The following STAC variants were observed in gnomAD, a reference collection of about 807,000 sequenced individuals.
The protein encoded by STAC is SH3 and cysteine-rich domain-containing protein.
STAC carries 43 observed loss-of-function variants against 48.8 expected under a neutral mutation model. The ratio of observed to expected loss-of-function variants is 0.88; its 90% CI spans 0.69 to 1.14. The LOEUF is 1.14. Ranked by LOEUF, STAC falls within the 50% of genes most tolerant of loss-of-function variation. STAC has a pLI of 0.00. For missense variants in STAC, 497 were observed against 504.0 expected, an observed-to-expected ratio of 0.99 and a Z score of 0.13; for synonymous variants, 193 against 179.5, an observed-to-expected ratio of 1.07 and a Z score of -0.60.
chr3:36,545,561 C>G (rs1699425796), intron 10 of STAC, among the ~76,000 whole-genome samples: 1 of 152,256 alleles, frequency 6.6e-6, no homozygotes, highest in Non-Finnish European at 1.5e-5. Flanking sequence ...TAATTTTCAT[C>G]TGCCCACATC....
rs571610568 is a variant in STAC at position 36,470,484 on chromosome 3, G to A, written c.389-12508G>A. 1.8e-4 allele frequency among the ~76,000 whole-genome samples: 28 copies of A among 152,336 alleles called. No individual in the cohort carries two copies. The South Asian group carries it at 2.1e-3, about 11-fold the overall frequency. On this transcript the variant is annotated intron_variant, in intron 2 of 10. Coordinates refer to ENST00000273183, the MANE Select transcript of STAC (RefSeq NM_003149.3). The stretch of plus-strand genomic sequence containing the variant: ...AGTGGAGGTAGCTGGGGAGTGAAGC[G>A]GACTCTGAGTCCTTGGTTATGTTTC...
chr3:36,430,995 A>C (rs543310391), intron 1 of STAC, among the ~76,000 whole-genome samples: 1 of 152,326 alleles, frequency 6.6e-6, no homozygotes, highest in African/African-American at 2.4e-5. Flanking sequence ...GGAGGGATAC[A>C]ATTCACCCGG....
chr3:36,393,813 T>A (rs892116039), intron 1 of STAC, among the ~76,000 whole-genome samples: 1 of 151,638 alleles, frequency 6.6e-6, no homozygotes, highest in South Asian at 2.1e-4. Flanking sequence ...AAATAAATGT[T>A]GATTGCTTAA....
chr3:36,419,047 CAAA>C (rs1193056059), intron 1 of STAC, among the ~76,000 whole-genome samples: 10 of 90,494 alleles, frequency 1.1e-4, no homozygotes, highest in African/African-American at 1.8e-4. Context: ...AACTCCGACT[CAAA>C]AAAAAAAAAA....
Position 36,411,392 on chromosome 3 carries a change from A to G in STAC, c.111+30638A>G, listed in dbSNP as rs190836507. ...AATCTGCATATGTAACTTTATCTGT[A>G]TCTTCTGCCTCCTCCTCTCCCTCTC... On this transcript the variant is annotated intron_variant, in intron 1 of 10. Transcript: ENST00000273183. Among the ~76,000 whole-genome samples the G allele has an allele frequency of 5.3e-5, 8 of 152,310 alleles. No individual in the cohort carries two copies. In the East Asian group the frequency reaches 1.3e-3, roughly 26 times the overall value.
intron 2 of STAC, among the ~76,000 whole-genome samples, chr3:36,464,410 T>C (rs1215974649): frequency 1.3e-5 from 2 of 150,396 alleles, no homozygotes; most frequent in African/African-American, 2.5e-5. Context: ...TTGTAGATTC[T>C]GGACATTAGC....
intron 5 of STAC, among the ~76,000 whole-genome samples, chr3:36,490,306 C>A (rs1333407682): frequency 6.6e-6 from 1 of 152,142 alleles, no homozygotes; most frequent in East Asian, 1.9e-4. Flanking sequence ...CAATGAGTTG[C>A]TTCCCCAAAG....
intron 2 of STAC, among the ~76,000 whole-genome samples, chr3:36,456,067 G>GCGCACA (rs1553636434): frequency 6.7e-6 from 1 of 150,168 alleles, no homozygotes; most frequent in African/African-American, 2.4e-5. Context: ...ACACACGTGC[G>GCGCACA]CACACACACA....
At chr3:36,391,383 A>G (rs566608266) in intron 1 of STAC, among the ~76,000 whole-genome samples, 3 of 152,110 alleles carry the variant, frequency 2.0e-5, no homozygotes, top group Non-Finnish European at 4.4e-5. Flanking sequence ...CTTACTTCTT[A>G]TCATTTCATC....
At chr3:36,530,580 C>CTTTTTTTTTTTTTTTTTTTTTTTTT (rs775751742) in intron 10 of STAC, among the ~76,000 whole-genome samples, 3 of 102,704 alleles carry the variant, frequency 2.9e-5, no homozygotes, top group Non-Finnish European at 3.7e-5. Context: ...TTCACCTTTT[C>CTTTTTTTTTTTTTTTTTTTTTTTTT]TTTTTTTTTT....
intron 2 of STAC, among the ~76,000 whole-genome samples, chr3:36,454,626 T>G (rs930326514): frequency 1.3e-5 from 2 of 152,142 alleles, no homozygotes; most frequent in Non-Finnish European, 2.9e-5. Flanking sequence ...TCATGACTAT[T>G]AAGAATGAGA....
At chr3:36,404,362 T>C (rs1045103728) in intron 1 of STAC, among the ~76,000 whole-genome samples, 1 of 152,198 alleles carries the variant, frequency 6.6e-6, no homozygotes, top group African/African-American at 2.4e-5. Flanking sequence ...GCACATTCTC[T>C]TCCCGTGTAG....
chr3:36,447,431 ACCT>A (rs774849522), intron 2 of STAC, among the ~76,000 whole-genome samples: 3 of 152,182 alleles, frequency 2.0e-5, no homozygotes, highest in Non-Finnish European at 4.4e-5. Context: ...ATGCAGATGA[ACCT>A]TGCAATTGCT....
chr3:36,399,361 A>G (rs1353357029), intron 1 of STAC, among the ~76,000 whole-genome samples: 2 of 152,298 alleles, frequency 1.3e-5, no homozygotes, highest in Admixed American at 1.3e-4. Context: ...TTTTATTACA[A>G]TTTTTGCTTC....
chr3:36,438,305 T>C (rs537900418), intron 1 of STAC, among the ~76,000 whole-genome samples: 1 of 152,294 alleles, frequency 6.6e-6, no homozygotes, highest in South Asian at 2.1e-4. Context: ...GTAAATGATA[T>C]AGAGTAGTTT....
intron 2 of STAC, among the ~76,000 whole-genome samples, chr3:36,453,699 G>C (rs1696762115): frequency 2.2e-5 from 1 of 46,200 alleles, no homozygotes; most frequent in Non-Finnish European, 5.4e-5. Context: ...CGCAGGGCGC[G>C]GGACTGGCAG....
At chr3:36,403,401 GT>G (rs1220367537) in intron 1 of STAC, among the ~76,000 whole-genome samples, 1 of 149,636 alleles carries the variant, frequency 6.7e-6, no homozygotes, top group Admixed American at 6.6e-5. Context: ...AAAACAGTTT[GT>G]TTTTTTTTAA....
At chr3:36,484,862 T>C (rs951147413) in intron 3 of STAC, 115 bp from the exon 4 acceptor site, 3 of 667,984 alleles carry the variant, frequency 4.5e-6, no homozygotes, top group South Asian at 2.8e-5. Context: ...GGCATGTTAA[T>C]GGGAGACAGG....
At chr3:36,392,594 C>T (rs987505232) in intron 1 of STAC, among the ~76,000 whole-genome samples, 1 of 152,046 alleles carries the variant, frequency 6.6e-6, no homozygotes, top group Non-Finnish European at 1.5e-5. Flanking sequence ...TCTTGAACTC[C>T]TAGGCTCAAG....
Sources: allele counts gnomAD v4.1 joint callset (sites outside exome capture counted in the v4.1 genomes callset), GRCh38; gene constraint gnomAD v4.1.1; transcripts MANE v1.5; gene names NCBI Gene and HGNC (gene_info 2026-07-23, HGNC 2026-07-21).